Variants in AGO1 observed in about 807,000 individuals in gnomAD.
The protein encoded by AGO1 is protein argonaute-1.
A neutral mutation model predicts 109.2 loss-of-function variants in AGO1; 11 were observed. The observed-to-expected ratio is 0.10, with a 90% confidence interval of 0.06 to 0.17. AGO1 has a LOEUF of 0.17. AGO1 is among the 10% of genes least tolerant of loss of function. AGO1 has a pLI of 1.00. For missense variants in AGO1, 574 were observed against 1,140.3 expected, an observed-to-expected ratio of 0.50 and a Z score of 7.15; for synonymous variants, 422 against 418.6, an observed-to-expected ratio of 1.01 and a Z score of -0.10.
Position 35,930,191 on chromosome 1 carries a change from G to C in AGO1, c.*10584G>C, listed in dbSNP as rs1646008780. ...AAATAAATAACAGACTGGGCAAAGG[G>C]CTACCAAGGCAATACTGTAGTAGAC... On this transcript the variant is annotated 3_prime_UTR_variant, in exon 19 of 19. Coordinates refer to ENST00000373204, the MANE Select transcript of AGO1 (RefSeq NM_012199.5). The C allele has an allele frequency of 6.6e-6, 1 of 152,156 alleles. No individual in the cohort carries two copies. The highest frequency in any genetic ancestry group is 1.5e-5 in the Non-Finnish European group (1 of 68,036). 9.4% of individuals were successfully genotyped at this position (152,156 alleles called of 1,614,324 possible). A position where few individuals can be genotyped will look rare whatever the true frequency, so the allele number is the denominator to read the frequency against.
chr1:35,905,005 G>C (rs1645493380), intron 11 of AGO1, among the ~76,000 whole-genome samples: 1 of 152,040 alleles, frequency 6.6e-6, no homozygotes, highest in Non-Finnish European at 1.5e-5. Flanking sequence ...TTTTTTTCTG[G>C]CTAAAGAGGC....
At chr1:35,912,395 A>T (rs1485239736) in intron 12 of AGO1, among the ~76,000 whole-genome samples, 1 of 150,566 alleles carries the variant, frequency 6.6e-6, no homozygotes, top group Non-Finnish European at 1.5e-5. Flanking sequence ...CATGCCTTCA[A>T]CTACTACCTG....
Position 35,925,021 on chromosome 1 carries a change from A to G in AGO1, c.*5414A>G, listed in dbSNP as rs781125965. ...AGTATACAGCCCCCTAAGAAACTCA[A>G]TTTAAAGGTTCGGGGGAGGAAGCAG... On this transcript the variant is annotated 3_prime_UTR_variant, in exon 19 of 19. Coordinates refer to ENST00000373204, the MANE Select transcript of AGO1 (RefSeq NM_012199.5). The G allele has an allele frequency of 1.3e-5, 2 of 152,148 alleles. No homozygotes were observed. The highest frequency in any genetic ancestry group is 6.5e-5 in the Admixed American group (1 of 15,270). The allele number at this position is 152,148 out of a possible 1,614,324, so 9.4% of individuals were successfully genotyped here.
upstream of AGO1, among the ~76,000 whole-genome samples, chr1:35,882,307 G>C (rs1406275055): frequency 6.6e-6 from 1 of 152,172 alleles, no homozygotes; most frequent in Admixed American, 6.5e-5. This position sits in a 1 kb window ranked among gnomAD's most constrained non-coding sequence, Gnocchi z 5.1. Context: ...TTTAAGGGGA[G>C]AGTGGAATGA....
In AGO1 at chr1:35,893,317, C is replaced by T. The variant is rs202025457; in HGVS notation, c.512+39C>T. On this transcript the variant is annotated intron_variant, in intron 4 of 18. Coordinates refer to ENST00000373204, the MANE Select transcript of AGO1 (RefSeq NM_012199.5). This position sits in a 1 kb window ranked among gnomAD's most constrained non-coding sequence, Gnocchi z 5.6. Reference sequence around the variant, plus strand: ...TTAGTATCTGGGCTACTAGTGTTGGCAGAACTGCTGTCAGGGGAGGAGGGG... The same window carrying T: ...TTAGTATCTGGGCTACTAGTGTTGGTAGAACTGCTGTCAGGGGAGGAGGGG... The T allele has an allele frequency of 4.4e-6, 7 of 1,587,082 alleles. No individual in the cohort carries two copies. In the Admixed American group the frequency reaches 6.9e-5, roughly 16 times the overall value.
chr1:35,901,297 A>G lies in AGO1; in HGVS notation c.1021-177A>G, dbSNP rs777130982. 3.3e-5 allele frequency among the ~76,000 whole-genome samples: 5 copies of G among 152,172 alleles called. No individual in the cohort carries two copies. Among genetic ancestry groups the G allele is most frequent in the Non-Finnish European group, 7.3e-5 (5 of 68,034 alleles). On this transcript the variant is annotated intron_variant, in intron 8 of 18. Transcript: ENST00000373204. The surrounding 1 kb of genome is among the most constrained non-coding windows in gnomAD (Gnocchi z 4.8). ...GAATCGCCTTTTACAATGCACACGA[A>G]TATTTTCTAATTTACCTATCAAATG...
intron 8 of AGO1, among the ~76,000 whole-genome samples, chr1:35,898,899 A>G (rs1426558152): frequency 2.0e-5 from 3 of 152,228 alleles, no homozygotes; most frequent in Non-Finnish European, 2.9e-5. Flanking sequence ...GGTAAAATAT[A>G]CATAATGTAA....
chr1:35,913,494 C>T (rs985671371), intron 12 of AGO1, among the ~76,000 whole-genome samples: 2 of 152,108 alleles, frequency 1.3e-5, no homozygotes, highest in African/African-American at 4.8e-5. Context: ...ATGTTGTTCC[C>T]TCTGCCTGGA....
Position 35,919,562 on chromosome 1 carries a change from C to A in AGO1, c.2529C>A (p.Ala843=). 6.2e-7 allele frequency: 1 copy of A among 1,614,152 alleles called. No individual in the cohort carries two copies. The highest frequency in any genetic ancestry group is 1.1e-5 in the South Asian group (1 of 91,068). The change falls in exon 19 of 19, where the codon GCC becomes GCA. Residue 843 remains alanine, a synonymous_variant. Coordinates refer to ENST00000373204, the MANE Select transcript of AGO1 (RefSeq NM_012199.5). This position sits in a 1 kb window ranked among gnomAD's most constrained non-coding sequence, Gnocchi z 6.6. Reference sequence around the variant, plus strand: ...GGGACCCCCAGGCCCTGGCCAAAGCCGTGCAGGTTCACCAGGATACTCTGC... The same window carrying A: ...GGGACCCCCAGGCCCTGGCCAAAGCAGTGCAGGTTCACCAGGATACTCTGC... ...NGRDPQALAK[A]VQVHQDTLRT...
chr1:35,922,256 G>C lies in AGO1; in HGVS notation c.*2649G>C, dbSNP rs1172008691. On this transcript the variant is annotated 3_prime_UTR_variant, in exon 19 of 19. Coordinates refer to ENST00000373204, the MANE Select transcript of AGO1 (RefSeq NM_012199.5). ...CAAGAAATAAAAAGCAAGAGAATCA[G>C]CTTTGGGCAATGACAAGAAATGAGT... is the stretch of plus-strand genomic sequence containing the variant. 1.3e-5 allele frequency: 2 copies of C among 152,670 alleles called. No homozygotes were observed. The highest frequency in any genetic ancestry group is 2.9e-5 in the Non-Finnish European group (2 of 68,050). 9.5% of individuals were successfully genotyped at this position (152,670 alleles called of 1,614,324 possible).
At chr1:35,870,424 T>C (rs574889590) in intron 1 of AGO1, among the ~76,000 whole-genome samples, 32 of 152,046 alleles carry the variant, frequency 2.1e-4, no homozygotes, top group Admixed American at 4.6e-4. Context: ...GCTGGGACTA[T>C]AGGCGCCCGC....
intron 12 of AGO1, among the ~76,000 whole-genome samples, chr1:35,910,226 G>GT (rs897062940): frequency 1.3e-5 from 2 of 150,784 alleles, no homozygotes; most frequent in African/African-American, 4.9e-5. Context: ...GGGAGGCTGG[G>GT]TAAAATGGCA....
chr1:35,889,539 T>C (rs1234210196), intron 2 of AGO1, among the ~76,000 whole-genome samples: 2 of 151,776 alleles, frequency 1.3e-5, no homozygotes, highest in African/African-American at 4.8e-5. Flanking sequence ...ATTAATTTTA[T>C]TATTTGAAAA....
intron 2 of AGO1, among the ~76,000 whole-genome samples, chr1:35,891,883 T>C (rs554919195): frequency 1.3e-5 from 2 of 152,078 alleles, no homozygotes; most frequent in African/African-American, 4.8e-5. Context: ...TTTTTGTTTT[T>C]TGTTTTTTTT....
At chr1:35,908,917 C>T (rs1296592547) in intron 12 of AGO1, among the ~76,000 whole-genome samples, 1 of 150,026 alleles carries the variant, frequency 6.7e-6, no homozygotes, top group Admixed American at 6.7e-5. Flanking sequence ...CTCCCAGGTT[C>T]AAGTGATTCT....
At chr1:35,915,077 G>A (rs1051381663) in intron 14 of AGO1, among the ~76,000 whole-genome samples, 1 of 152,150 alleles carries the variant, frequency 6.6e-6, no homozygotes, top group African/African-American at 2.4e-5. Context: ...AGTACCTACT[G>A]TGGGCTACGT....
chr1:35,917,491 A>G (rs1645754524), intron 15 of AGO1, 102 bp from the exon 16 acceptor site: 1 of 1,383,626 alleles, frequency 7.2e-7, no homozygotes, highest in Non-Finnish European at 9.7e-7. Context: ...AGACTGAGCC[A>G]AAAGTTATAT....
At position 35,922,533 on chromosome 1, in the gene AGO1, C is replaced by T. The variant is rs1448579369; in HGVS notation, c.*2926C>T. The T allele has an allele frequency of 6.5e-6, 1 of 152,698 alleles. No individual in the cohort carries two copies. Among genetic ancestry groups the T allele is most frequent in the Non-Finnish European group, 1.5e-5 (1 of 68,404 alleles). The allele number at this position is 152,698 out of a possible 1,614,324, so 9.5% of individuals were successfully genotyped here. On this transcript the variant is annotated 3_prime_UTR_variant, in exon 19 of 19. Coordinates refer to ENST00000373204, the MANE Select transcript of AGO1 (RefSeq NM_012199.5). ...TGTACCACTGTTTTGCCTTCCTTTT[C>T]CTCTTCTCTCTTTGCCTGGCTTCCT...
At chr1:35,912,133 G>A (rs1439140740) in intron 12 of AGO1, among the ~76,000 whole-genome samples, 2 of 152,034 alleles carry the variant, frequency 1.3e-5, no homozygotes, top group African/African-American at 4.8e-5. Flanking sequence ...CGAGGCAGGC[G>A]GATCATGAGG....
Sources: allele counts gnomAD v4.1 joint callset (sites outside exome capture counted in the v4.1 genomes callset), GRCh38; gene constraint gnomAD v4.1.1; non-coding constraint Gnocchi (gnomAD v3.1); transcripts MANE v1.5; gene names NCBI Gene and HGNC (gene_info 2026-07-23, HGNC 2026-07-21).